The following AUTS2 variants were observed in gnomAD, a reference collection of about 807,000 sequenced individuals.
AUTS2 encodes activator of transcription and developmental regulator AUTS2.
AUTS2 carries 17 observed loss-of-function variants against 112.4 expected under a neutral mutation model. The observed-to-expected ratio is 0.15, with a 90% CI of 0.10 to 0.23. The LOEUF is 0.23. AUTS2 is among the 10% of genes least tolerant of loss of function. AUTS2 has a pLI of 1.00. For missense variants in AUTS2, 1,510 were observed against 1,701.6 expected, an observed-to-expected ratio of 0.89 and a Z score of 1.98; for synonymous variants, 751 against 702.7, an observed-to-expected ratio of 1.07 and a Z score of -1.09.
At chr7:70,723,589 C>T (rs929335466) in intron 6 of AUTS2, among the ~76,000 whole-genome samples, 1 of 151,742 alleles carries the variant, frequency 6.6e-6, no homozygotes, top group African/African-American at 2.4e-5. Context: ...TTGTCAAGTG[C>T]ATAGTGCTTG....
chr7:69,839,518 C>T (rs1379145001), intron 1 of AUTS2, among the ~76,000 whole-genome samples: 1 of 152,108 alleles, frequency 6.6e-6, no homozygotes, highest in Non-Finnish European at 1.5e-5. Context: ...TTTTATCTCT[C>T]CAAGTAATGG....
intron 1 of AUTS2, among the ~76,000 whole-genome samples, chr7:69,778,774 G>A (rs1381303862): frequency 6.6e-6 from 1 of 152,142 alleles, no homozygotes; most frequent in East Asian, 1.9e-4. Flanking sequence ...CCCATTCAGC[G>A]TGAGCTAATG....
At chr7:70,024,307 G>A (rs1286713896) in intron 2 of AUTS2, among the ~76,000 whole-genome samples, 2 of 152,186 alleles carry the variant, frequency 1.3e-5, no homozygotes, top group Non-Finnish European at 2.9e-5. Flanking sequence ...GTGGCAGATT[G>A]ACACAAGTAT....
chr7:69,953,901 C>G (rs1797120662), intron 2 of AUTS2, among the ~76,000 whole-genome samples: 1 of 152,052 alleles, frequency 6.6e-6, no homozygotes, highest in South Asian at 2.1e-4. Flanking sequence ...GCTGGCCTTC[C>G]CCTGCATCTG....
At chr7:69,937,253 A>G (rs1284412037) in intron 2 of AUTS2, among the ~76,000 whole-genome samples, 1 of 152,128 alleles carries the variant, frequency 6.6e-6, no homozygotes, top group Non-Finnish European at 1.5e-5. Flanking sequence ...TCATTAAACC[A>G]CTTTGGCCAC....
intron 5 of AUTS2, among the ~76,000 whole-genome samples, chr7:70,463,668 C>A (rs910640674): frequency 3.9e-5 from 6 of 152,224 alleles, no homozygotes; most frequent in Non-Finnish European, 8.8e-5. Context: ...CAAGTCTTCA[C>A]CCGCTTGCTC....
intron 5 of AUTS2, among the ~76,000 whole-genome samples, chr7:70,683,710 G>A (rs1473120705): frequency 6.6e-6 from 1 of 152,270 alleles, no homozygotes; most frequent in Non-Finnish European, 1.5e-5. Context: ...GAGAGGAGCT[G>A]GCGGGTCTTT....
intron 4 of AUTS2, among the ~76,000 whole-genome samples, chr7:70,322,167 T>C (rs73173520): frequency 0.023 from 3,455 of 152,276 alleles, 58 homozygotes; most frequent in South Asian, 0.072. Context: ...TTTGTGACTT[T>C]TTTTAAAGGG....
At chr7:70,540,180 G>T (rs1800492715) in intron 5 of AUTS2, among the ~76,000 whole-genome samples, 1 of 152,134 alleles carries the variant, frequency 6.6e-6, no homozygotes, top group African/African-American at 2.4e-5. Flanking sequence ...TCCTTCTTGG[G>T]TGGTAGGTTA....
chr7:69,741,486 C>T (rs1223674988), intron 1 of AUTS2, among the ~76,000 whole-genome samples: 2 of 152,166 alleles, frequency 1.3e-5, no homozygotes, highest in Non-Finnish European at 2.9e-5. Flanking sequence ...GGGCGGATTG[C>T]TTGAGCCCAG....
intron 2 of AUTS2, among the ~76,000 whole-genome samples, chr7:70,100,635 G>A (rs561340486): frequency 1.7e-4 from 25 of 150,592 alleles, no homozygotes; most frequent in Admixed American, 8.0e-4. Flanking sequence ...GTGTCCATGC[G>A]TTCTCATTGG....
intron 1 of AUTS2, among the ~76,000 whole-genome samples, chr7:69,654,234 C>T (rs1795415932): frequency 6.6e-6 from 1 of 152,130 alleles, no homozygotes; most frequent in African/African-American, 2.4e-5. Context: ...CATCTTGATT[C>T]ACTTCCTACA....
At position 69,640,401 on chromosome 7, in the gene AUTS2, A is replaced by G. The variant is rs1025540278; in HGVS notation, c.309+40439A>G. 1.3e-4 allele frequency among the ~76,000 whole-genome samples: 20 copies of G among 152,190 alleles called. 1 individual carries two copies. The highest frequency in any genetic ancestry group is 4.8e-4 in the African/African-American group (20 of 41,444). ...TCTTAAGTAGTGCACAGTTCAGTAA[A>G]CATTGGTTGCATTAATGAAAGAATG... On this transcript the variant is annotated intron_variant, in intron 1 of 18. Transcript: ENST00000342771.
chr7:69,677,897 A>G (rs759316474), intron 1 of AUTS2, among the ~76,000 whole-genome samples: 1 of 152,178 alleles, frequency 6.6e-6, no homozygotes, highest in Non-Finnish European at 1.5e-5. Flanking sequence ...GCAGTTTTCA[A>G]ATGGGCTGAG....
intron 6 of AUTS2, among the ~76,000 whole-genome samples, chr7:70,706,831 G>T (rs1809765882): frequency 6.6e-6 from 1 of 152,224 alleles, no homozygotes; most frequent in Admixed American, 6.5e-5. Flanking sequence ...TTTAGACTCT[G>T]CATAATTAAC....
chr7:70,274,655 T>C (rs1045533412), intron 4 of AUTS2, among the ~76,000 whole-genome samples: 3 of 152,190 alleles, frequency 2.0e-5, no homozygotes, highest in Non-Finnish European at 4.4e-5. Context: ...CAGGTTGATA[T>C]GCTCAAGCTT....
intron 4 of AUTS2, among the ~76,000 whole-genome samples, chr7:70,274,162 A>G (rs769046107): frequency 9.9e-5 from 15 of 152,014 alleles, no homozygotes; most frequent in Non-Finnish European, 1.6e-4. Flanking sequence ...TACTTATAGT[A>G]TATTTGCCTT....
chr7:70,309,942 A>G (rs1018476831), intron 4 of AUTS2, among the ~76,000 whole-genome samples: 3 of 152,154 alleles, frequency 2.0e-5, no homozygotes, highest in Non-Finnish European at 4.4e-5. Context: ...AATCAAGTTC[A>G]CATATTTTTA....
intron 5 of AUTS2, among the ~76,000 whole-genome samples, chr7:70,697,560 T>TCCCCCCCCCCCC (rs10636908): frequency 7.8e-6 from 1 of 127,720 alleles, no homozygotes; most frequent in Non-Finnish European, 1.6e-5. Flanking sequence ...ACTTCAGAAT[T>TCCCCCCCCCCCC]CCCCCCCCCC....
Sources: gnomAD v4.1 joint callset for allele counts (sites outside exome capture counted in the v4.1 genomes callset) on GRCh38, gnomAD v4.1.1 for gene constraint, MANE v1.5 for transcripts, NCBI Gene and HGNC (gene_info 2026-07-23, HGNC 2026-07-21) for gene names.